The following SYT14 variants were observed in gnomAD, a reference collection of about 807,000 sequenced individuals.
SYT14 encodes synaptotagmin-14.
A neutral mutation model predicts 74.2 loss-of-function variants in SYT14; 32 were observed. The ratio of observed to expected loss-of-function variants is 0.43; its 90% CI spans 0.33 to 0.58. The LOEUF is 0.58. Among genes scored for constraint, SYT14 ranks in the 20% least tolerant of loss-of-function variants. The probability of loss-of-function intolerance (pLI) is 0.05; values close to 1 mark genes in which losing one functional copy is unlikely to be tolerated. For synonymous variants in SYT14, 298 were observed against 337.7 expected (o/e 0.88, Z 1.29); for missense variants, 791 against 981.8 (o/e 0.81, Z 2.60).
Position 210,047,058 on chromosome 1 carries a change from TTAA to T in SYT14, c.1312+25806_1312+25808del, listed in dbSNP as rs1558151762. 2.0e-5 allele frequency among the ~76,000 whole-genome samples: 3 copies of T among 152,264 alleles called. No homozygotes were observed. In the South Asian group the frequency reaches 6.2e-4, roughly 32 times the overall value. On this transcript the variant is annotated intron_variant, in intron 5 of 9. Transcript: ENST00000637265. ...AATTCTATAATTAATTAATTTTATA[TTAA>T]TGTGTCTATCATATTGATAGGTATA...
chr1:209,944,175 G>A (rs1372173578), intron 1 of SYT14, among the ~76,000 whole-genome samples: 1 of 152,140 alleles, frequency 6.6e-6, no homozygotes, highest in Non-Finnish European at 1.5e-5. Context: ...TTTAAAAAAT[G>A]ATCTGGTGCA....
intron 2 of SYT14, among the ~76,000 whole-genome samples, chr1:209,994,593 C>T (rs534460351): frequency 6.6e-6 from 1 of 151,934 alleles, no homozygotes; most frequent in Non-Finnish European, 1.5e-5. Flanking sequence ...TGAAAATTTC[C>T]CTAATCTTGC....
intron 4 of SYT14, among the ~76,000 whole-genome samples, chr1:210,020,434 G>A (rs183304171): frequency 1.2e-3 from 190 of 152,232 alleles, no homozygotes; most frequent in African/African-American, 4.4e-3. Flanking sequence ...ATCAGATTAT[G>A]CAGATTTAAA....
chr1:210,045,874 CATTA>C (rs2080875309), intron 5 of SYT14, among the ~76,000 whole-genome samples: 1 of 151,976 alleles, frequency 6.6e-6, no homozygotes. Flanking sequence ...TATATATTTT[CATTA>C]ATTCTCAGAA....
intron 7 of SYT14, among the ~76,000 whole-genome samples, chr1:210,139,054 G>A (rs180706693): frequency 4.6e-5 from 7 of 150,770 alleles, no homozygotes; most frequent in Non-Finnish European, 5.9e-5. Context: ...GTATTTGAAC[G>A]TGGAATAAGA....
intron 7 of SYT14, among the ~76,000 whole-genome samples, chr1:210,143,985 TC>T (rs1297564798): frequency 6.6e-6 from 1 of 152,068 alleles, no homozygotes; most frequent in African/African-American, 2.4e-5. Context: ...GGAAATTGAG[TC>T]TCAAGGAACT....
chr1:210,020,777 T>A (rs2102950711), intron 4 of SYT14, among the ~76,000 whole-genome samples: 1 of 152,314 alleles, frequency 6.6e-6, no homozygotes, highest in South Asian at 2.1e-4. Context: ...TACAAACTGA[T>A]CTTTTTCCAA....
intron 2 of SYT14, among the ~76,000 whole-genome samples, chr1:210,010,368 A>G (rs954678764): frequency 6.6e-6 from 1 of 152,178 alleles, no homozygotes; most frequent in African/African-American, 2.4e-5. Flanking sequence ...GTGCTGTCCT[A>G]GGTACTTTGA....
intron 7 of SYT14, among the ~76,000 whole-genome samples, chr1:210,153,661 TAA>T (rs1160215112): frequency 1.3e-5 from 2 of 152,210 alleles, no homozygotes; most frequent in Non-Finnish European, 2.9e-5. Flanking sequence ...CCTGTGTACA[TAA>T]TTATGTAATC....
chr1:210,161,594 G>A (rs182067405), exon 10 of SYT14: 76 of 453,958 alleles, frequency 1.7e-4, no homozygotes, highest in Non-Finnish European at 6.2e-5. Context: ...TGTGCACTTA[G>A]GTTCATTGTG....
At chr1:209,972,483 A>G (rs1393651518) in intron 2 of SYT14, among the ~76,000 whole-genome samples, 1 of 152,044 alleles carries the variant, frequency 6.6e-6, no homozygotes, top group Non-Finnish European at 1.5e-5. Flanking sequence ...GTAGGTGTAT[A>G]GCACTATGAA....
intron 7 of SYT14, among the ~76,000 whole-genome samples, chr1:210,127,326 G>C (rs550004603): frequency 2.1e-4 from 32 of 152,288 alleles, no homozygotes; most frequent in Non-Finnish European, 3.8e-4. Context: ...TTGCTAAGGA[G>C]ACCCTCTATT....
chr1:210,021,433 C>T (rs2080301020), intron 5 of SYT14, among the ~76,000 whole-genome samples, 179 bp downstream of exon 4: 6 of 152,166 alleles, frequency 3.9e-5, no homozygotes, highest in Admixed American at 3.9e-4. Context: ...AAAATCAAAA[C>T]CAATACCAAA....
At position 210,013,739 on chromosome 1, in the gene SYT14, C is replaced by A. The variant is rs540332386; in HGVS notation, c.-379C>A. On this transcript the variant is annotated 5_prime_UTR_variant, in exon 3 of 10. Coordinates refer to ENST00000637265, the Ensembl canonical transcript of SYT14. ...AGAAGTTCTGTTTTGAAAATGTTGG[C>A]GGGTTTCCAGATCTTGGTTCAGAAT... The A allele has an allele frequency of 7.4e-6, 12 of 1,612,366 alleles. No individual in the cohort carries two copies. In the African/African-American group the frequency reaches 1.1e-4, roughly 14 times the overall value.
At chr1:210,126,204 G>T (rs904137714) in intron 7 of SYT14, among the ~76,000 whole-genome samples, 1 of 144,378 alleles carries the variant, frequency 6.9e-6, no homozygotes. Flanking sequence ...TCCGTCTCAA[G>T]AAAAAAAAAA....
intron 2 of SYT14, among the ~76,000 whole-genome samples, chr1:209,976,318 C>A (rs1337144780): frequency 1.4e-5 from 2 of 141,728 alleles, no homozygotes; most frequent in Non-Finnish European, 3.1e-5. Context: ...TTGGATCTTT[C>A]CTGCTTTCTC....
At chr1:210,109,760 A>G (rs1257531136) in intron 7 of SYT14, among the ~76,000 whole-genome samples, 3 of 152,004 alleles carry the variant, frequency 2.0e-5, no homozygotes, top group South Asian at 4.1e-4. Flanking sequence ...CAGCATTCCC[A>G]TTGCTGAGTA....
At chr1:209,958,671 T>G (rs1363229793) in intron 2 of SYT14, among the ~76,000 whole-genome samples, 2 of 152,240 alleles carry the variant, frequency 1.3e-5, no homozygotes, top group African/African-American at 4.8e-5. Context: ...TGCAATTAAC[T>G]TTTCTAAATT....
intron 7 of SYT14, among the ~76,000 whole-genome samples, chr1:210,150,508 G>A (rs190077375): frequency 1.3e-5 from 2 of 152,206 alleles, no homozygotes; most frequent in Admixed American, 1.3e-4. Flanking sequence ...AGTTCCCTGG[G>A]GCTAGGAAAG....
Sources: allele counts gnomAD v4.1 joint callset (sites outside exome capture counted in the v4.1 genomes callset), GRCh38; gene constraint gnomAD v4.1.1; transcripts MANE v1.5; gene names NCBI Gene and HGNC (gene_info 2026-07-23, HGNC 2026-07-21).